AGAP1: variants seen among roughly 807,000 people sequenced by gnomAD.
AGAP1 encodes the protein ArfGAP with GTPase domain, ankyrin repeat and PH domain 1.
A neutral mutation model predicts 105.3 loss-of-function variants in AGAP1; 29 were observed. The observed-to-expected ratio is 0.28, with a 90% confidence interval of 0.21 to 0.38. The LOEUF (loss-of-function observed/expected upper bound fraction) is 0.38, where lower values mean the gene tolerates loss of function less well. AGAP1 is among the 10% of genes least tolerant of loss of function. The pLI is 1.00. For synonymous variants in AGAP1, 509 were observed against 485.9 expected, an observed-to-expected ratio of 1.05 and a Z score of -0.63; for missense variants, 998 against 1,165.1, an observed-to-expected ratio of 0.86 and a Z score of 2.09.
At chr2:235,531,417 C>T (rs1419247840) in intron 1 of AGAP1, among the ~76,000 whole-genome samples, 2 of 152,174 alleles carry the variant, frequency 1.3e-5, no homozygotes, top group Non-Finnish European at 2.9e-5. Flanking sequence ...CTGCCCTGCT[C>T]TGTGGCTGCC....
chr2:235,535,044 G>A lies in AGAP1; in HGVS notation c.163+40195G>A, dbSNP rs1027592052. Among the ~76,000 whole-genome samples the A allele has an allele frequency of 6.6e-5, 10 of 152,064 alleles. No homozygotes were observed. Among genetic ancestry groups the A allele is most frequent in the Admixed American group, 1.3e-4 (2 of 15,272 alleles). On this transcript the variant is annotated intron_variant, in intron 1 of 17. Transcript: ENST00000304032. This position sits in a 1 kb window ranked among gnomAD's most constrained non-coding sequence, Gnocchi z 5.1. ...GCCTCTCACCTATTCCCAGATACTC[G>A]CTGGAGTTGGAGCACACATGTCTGC...
chr2:235,984,701 T>C (rs1382025588), intron 13 of AGAP1, among the ~76,000 whole-genome samples: 2 of 152,054 alleles, frequency 1.3e-5, no homozygotes, highest in Non-Finnish European at 1.5e-5. Flanking sequence ...GAACCTATGG[T>C]GTTTGACTTT....
chr2:235,821,884 C>G (rs1241139991), intron 9 of AGAP1, among the ~76,000 whole-genome samples: 1 of 152,212 alleles, frequency 6.6e-6, no homozygotes, highest in Non-Finnish European at 1.5e-5. Flanking sequence ...GAATATTGAT[C>G]AGTTACTTTG....
chr2:235,852,700 T>C, intron 9 of AGAP1: 2 of 1,504,802 alleles, frequency 1.3e-6, no homozygotes, highest in East Asian at 2.6e-5. Flanking sequence ...TGCCCTTCTT[T>C]GTCCTTGCAC....
intron 1 of AGAP1, chr2:235,670,808 C>G: frequency 7.1e-7 from 1 of 1,417,912 alleles, no homozygotes; most frequent in Non-Finnish European, 9.4e-7. Flanking sequence ...GAGCAAGAAC[C>G]GCACGCTGGA....
intron 5 of AGAP1, among the ~76,000 whole-genome samples, chr2:235,749,305 A>G (rs1953230636): frequency 2.0e-5 from 3 of 150,998 alleles, no homozygotes; most frequent in Admixed American, 2.0e-4. Context: ...TCTCTGTTCC[A>G]CGTGCCACTG....
At chr2:235,760,665 A>T (rs548957550) in intron 6 of AGAP1, among the ~76,000 whole-genome samples, 31 of 152,314 alleles carry the variant, frequency 2.0e-4, no homozygotes, top group African/African-American at 7.2e-4. Flanking sequence ...AGCTCACTGC[A>T]GTTTCAGACT....
chr2:235,615,081 A>G lies in AGAP1; in HGVS notation c.164-94098A>G, dbSNP rs1946265795. On this transcript the variant is annotated intron_variant, in intron 1 of 17. Coordinates refer to ENST00000304032, the MANE Select transcript of AGAP1 (RefSeq NM_001037131.3). The surrounding 1 kb of genome is among the most constrained non-coding windows in gnomAD (Gnocchi z 5.0). Reference sequence around the variant, plus strand: ...AATGCAAATGATTACAGCCCCTTCCATGAAGAGTGCAAGTACGCCTGACTC... The same window carrying G: ...AATGCAAATGATTACAGCCCCTTCCGTGAAGAGTGCAAGTACGCCTGACTC... 6.6e-6 allele frequency among the ~76,000 whole-genome samples: 1 copy of G among 152,196 alleles called. No homozygotes were observed. Among genetic ancestry groups the G allele is most frequent in the Non-Finnish European group, 1.5e-5 (1 of 68,030 alleles).
At chr2:235,735,097 T>C (rs1043282423) in intron 3 of AGAP1, among the ~76,000 whole-genome samples, 1 of 151,824 alleles carries the variant, frequency 6.6e-6, no homozygotes. Flanking sequence ...CAATGATGTT[T>C]GCGTCATAAG....
chr2:235,990,752 TAG>T (rs2055533041), intron 13 of AGAP1, among the ~76,000 whole-genome samples: 2 of 152,158 alleles, frequency 1.3e-5, no homozygotes, highest in Admixed American at 1.3e-4. Context: ...TGCCTCTGGA[TAG>T]AGAGTGGCAA....
intron 9 of AGAP1, among the ~76,000 whole-genome samples, chr2:235,838,731 G>A (rs887985270): frequency 4.6e-5 from 7 of 152,204 alleles, no homozygotes; most frequent in African/African-American, 7.2e-5. Flanking sequence ...GGGGAACCCC[G>A]AAGGGATCAT....
intron 6 of AGAP1, among the ~76,000 whole-genome samples, chr2:235,758,716 G>A (rs1023905848): frequency 3.9e-5 from 6 of 152,166 alleles, no homozygotes; most frequent in Admixed American, 1.3e-4. Flanking sequence ...GCACTTATGC[G>A]GTACCAATAC....
rs1215504971 is a variant in AGAP1 at position 235,754,380 on chromosome 2, C to T, written c.673+3892C>T. On this transcript the variant is annotated intron_variant, in intron 6 of 17. Transcript: ENST00000304032. The surrounding 1 kb of genome is among the most constrained non-coding windows in gnomAD (Gnocchi z 4.6). Reference sequence around the variant, plus strand: ...ATACCTGTATATGGTAGAAAGAAAACATAAAGGAAAAGCGTGTAATTTCTA... The same window carrying T: ...ATACCTGTATATGGTAGAAAGAAAATATAAAGGAAAAGCGTGTAATTTCTA... Among the ~76,000 whole-genome samples, 1 of 148,776 alleles carries T rather than the reference C, an allele frequency of 6.7e-6. No homozygotes were observed. The highest frequency in any genetic ancestry group is 1.5e-5 in the Non-Finnish European group (1 of 67,308).
In AGAP1 at chr2:235,888,979, C is replaced by T. The variant is rs1270790707; in HGVS notation, c.1155+5530C>T. On this transcript the variant is annotated intron_variant, in intron 10 of 17. Coordinates refer to ENST00000304032, the MANE Select transcript of AGAP1 (RefSeq NM_001037131.3). This position sits in a 1 kb window ranked among gnomAD's most constrained non-coding sequence, Gnocchi z 4.8. ...GTTTTTCAATGTCTTCATTAGATGC[C>T]CTTAGGAAAAGATCTCCCTGAAGAG... Among the ~76,000 whole-genome samples the T allele has an allele frequency of 6.6e-6, 1 of 152,096 alleles. No individual in the cohort carries two copies. The highest frequency in any genetic ancestry group is 1.5e-5 in the Non-Finnish European group (1 of 68,022).
rs769203130 is a variant in AGAP1 at position 235,720,130 on chromosome 2, T to C, written c.310+2486T>C. On this transcript the variant is annotated intron_variant, in intron 3 of 17. Coordinates refer to ENST00000304032, the MANE Select transcript of AGAP1 (RefSeq NM_001037131.3). This position sits in a 1 kb window ranked among gnomAD's most constrained non-coding sequence, Gnocchi z 5.0. ...AATGAAGGGAGCCATACTTGTTGTT[T>C]GGGAAAGAAAACAAATGAGAAGCCG... Among the ~76,000 whole-genome samples, 13 of 152,228 alleles carry C rather than the reference T, an allele frequency of 8.5e-5. No individual in the cohort carries two copies. Among genetic ancestry groups the C allele is most frequent in the Non-Finnish European group, 1.6e-4 (11 of 68,034 alleles).
chr2:235,767,777 C>CTT (rs71414307), intron 6 of AGAP1, among the ~76,000 whole-genome samples: 1,378 of 62,064 alleles, frequency 0.022, 80 homozygotes, highest in African/African-American at 0.051. Flanking sequence ...AGTTTCTTGT[C>CTT]TTTTTTTTTT....
At chr2:235,909,931 G>C (rs1468798714) in intron 11 of AGAP1, among the ~76,000 whole-genome samples, 1 of 152,098 alleles carries the variant, frequency 6.6e-6, no homozygotes, top group Admixed American at 6.6e-5. Flanking sequence ...TGAGGCAGGA[G>C]AATCGCTTGA....
Position 235,977,366 on chromosome 2 carries a change from G to T in AGAP1, c.1645+8743G>T, listed in dbSNP as rs2054904241. Among the ~76,000 whole-genome samples, 2 of 152,112 alleles carry T rather than the reference G, an allele frequency of 1.3e-5. No homozygotes were observed. The highest frequency in any genetic ancestry group is 2.1e-4 in the South Asian group (1 of 4,810). On this transcript the variant is annotated intron_variant, in intron 13 of 17. Transcript: ENST00000304032. The surrounding 1 kb of genome is among the most constrained non-coding windows in gnomAD (Gnocchi z 5.2). ...CCAAGGTCCTGAAGCCAGAAGAGGG[G>T]CTGGTTCTAGCGGCCAGTGCTGTTC... is the stretch of plus-strand genomic sequence containing the variant.
Position 235,908,587 on chromosome 2 carries a change from T to C in AGAP1, c.1156-151T>C, listed in dbSNP as rs1036501022. ...TAATAATGATGTTACCAGTACTCTA[T>C]AGATAAAAATCTCATGATTTTTAAA... On this transcript the variant is annotated intron_variant, in intron 10 of 17. Coordinates refer to ENST00000304032, the MANE Select transcript of AGAP1 (RefSeq NM_001037131.3). This position sits in a 1 kb window ranked among gnomAD's most constrained non-coding sequence, Gnocchi z 4.4. The C allele has an allele frequency of 2.1e-5, 14 of 652,040 alleles. No homozygotes were observed. The highest frequency in any genetic ancestry group is 9.1e-5 in the African/African-American group (5 of 55,178). 40.4% of individuals were successfully genotyped at this position (652,040 alleles called of 1,614,324 possible). A position where few individuals can be genotyped will look rare whatever the true frequency, so the allele number is the denominator to read the frequency against.
Sources: allele counts gnomAD v4.1 joint callset (sites outside exome capture counted in the v4.1 genomes callset), GRCh38; gene constraint gnomAD v4.1.1; non-coding constraint Gnocchi (gnomAD v3.1); transcripts MANE v1.5; gene names NCBI Gene and HGNC (gene_info 2026-07-23, HGNC 2026-07-21).